CNTN5: variants seen among roughly 807,000 people sequenced by gnomAD.
CNTN5 encodes contactin 5.
Under a neutral mutation model 129.1 loss-of-function variants are expected in CNTN5, and 77 were observed. That is an observed-to-expected ratio of 0.60 (90% confidence interval 0.50 to 0.72). CNTN5 has a LOEUF of 0.72. Among genes scored for constraint, CNTN5 ranks in the 30% least tolerant of loss-of-function variants. The probability of loss-of-function intolerance (pLI) is 0.00; values close to 1 mark genes in which losing one functional copy is unlikely to be tolerated. For synonymous variants in CNTN5, 509 were observed against 465.6 expected (o/e 1.09, Z -1.20); for missense variants, 1,478 against 1,328.8 (o/e 1.11, Z -1.75).
chr11:99,206,759 A>G (rs538886076), intron 1 of CNTN5, among the ~76,000 whole-genome samples: 20 of 152,222 alleles, frequency 1.3e-4, no homozygotes, highest in African/African-American at 4.6e-4. Flanking sequence ...TTAAGCAAGG[A>G]TTTTGGATAA....
At chr11:99,406,915 T>A (rs74872258) in intron 2 of CNTN5, among the ~76,000 whole-genome samples, 2,699 of 151,758 alleles carry the variant, frequency 0.018, 67 homozygotes, top group African/African-American at 0.061. Flanking sequence ...CAGCTTGAGG[T>A]CTGTCTAGCC....
intron 3 of CNTN5, among the ~76,000 whole-genome samples, chr11:99,618,919 T>A (rs1206087247): frequency 1.4e-5 from 2 of 148,084 alleles, no homozygotes; most frequent in Non-Finnish European, 3.0e-5. Flanking sequence ...TTAAACTGTT[T>A]GGCTAACCCA....
intron 8 of CNTN5, among the ~76,000 whole-genome samples, chr11:99,964,057 G>A (rs189687416): frequency 2.0e-4 from 30 of 152,192 alleles, no homozygotes; most frequent in African/African-American, 5.3e-4. Context: ...GGAGATTTTG[G>A]GGTGAGACAA....
intron 18 of CNTN5, among the ~76,000 whole-genome samples, chr11:100,292,736 T>C (rs906840797): frequency 1.3e-5 from 2 of 151,980 alleles, no homozygotes; most frequent in Non-Finnish European, 2.9e-5. Flanking sequence ...TGTGCATGTA[T>C]GTATATGAGT....
intron 1 of CNTN5, among the ~76,000 whole-genome samples, chr11:99,047,402 A>C (rs1159587229): frequency 6.6e-6 from 1 of 151,720 alleles, no homozygotes; most frequent in Non-Finnish European, 1.5e-5. Flanking sequence ...AAAAACCAAA[A>C]AAGTGTATGT....
chr11:99,782,449 C>A (rs373930935), intron 3 of CNTN5, among the ~76,000 whole-genome samples: 2,063 of 149,390 alleles, frequency 0.014, 34 homozygotes, highest in South Asian at 0.07. Flanking sequence ...GCTACCAATG[C>A]CTTTCTTCAC....
At chr11:99,053,460 C>CT (rs1438456855) in intron 1 of CNTN5, among the ~76,000 whole-genome samples, 3 of 151,544 alleles carry the variant, frequency 2.0e-5, no homozygotes, top group Admixed American at 6.6e-5. Flanking sequence ...ATGTTTTTTT[C>CT]TTTTTTTGCA....
intron 3 of CNTN5, among the ~76,000 whole-genome samples, chr11:99,578,290 C>A (rs925545980): frequency 6.6e-6 from 1 of 151,810 alleles, no homozygotes; most frequent in Non-Finnish European, 1.5e-5. Context: ...AATAAACATA[C>A]GTGTGCATGT....
chr11:99,267,721 G>A (rs1174215339), intron 1 of CNTN5, among the ~76,000 whole-genome samples: 1 of 151,886 alleles, frequency 6.6e-6, no homozygotes, highest in Non-Finnish European at 1.5e-5. Context: ...AAGTGAATAA[G>A]CATCCATTTC....
intron 13 of CNTN5, among the ~76,000 whole-genome samples, chr11:100,086,366 T>A (rs536520023): frequency 6.6e-6 from 1 of 150,932 alleles, no homozygotes; most frequent in Non-Finnish European, 1.5e-5. Flanking sequence ...GAAGGAAACT[T>A]CTGGTATCAA....
At chr11:99,142,475 G>A (rs34154336) in intron 1 of CNTN5, among the ~76,000 whole-genome samples, 1 of 152,086 alleles carries the variant, frequency 6.6e-6, no homozygotes, top group African/African-American at 2.4e-5. Context: ...TGCTGGTGTA[G>A]GAGCTATGGT....
At chr11:100,219,009 A>G (rs1949203384) in intron 15 of CNTN5, among the ~76,000 whole-genome samples, 1 of 152,210 alleles carries the variant, frequency 6.6e-6, no homozygotes, top group Admixed American at 6.5e-5. Flanking sequence ...TAAAAATATA[A>G]ATTTAGGAAT....
intron 8 of CNTN5, among the ~76,000 whole-genome samples, chr11:99,981,404 G>A (rs1938340707): frequency 6.6e-6 from 1 of 152,022 alleles, no homozygotes; most frequent in Non-Finnish European, 1.5e-5. Flanking sequence ...CTCATTTCCA[G>A]GAAATAGACA....
intron 1 of CNTN5, among the ~76,000 whole-genome samples, chr11:99,194,732 A>G (rs1858815271): frequency 6.6e-6 from 1 of 151,992 alleles, no homozygotes; most frequent in South Asian, 2.1e-4. Flanking sequence ...CAGCCTCCCC[A>G]GTAGCTGGGA....
chr11:99,994,155 C>T (rs969680060), intron 8 of CNTN5, among the ~76,000 whole-genome samples: 4 of 127,178 alleles, frequency 3.1e-5, no homozygotes, highest in East Asian at 4.0e-4. Context: ...TCATTTTTAA[C>T]GACAATGGCA....
At chr11:100,188,994 A>C (rs1948388580) in intron 13 of CNTN5, among the ~76,000 whole-genome samples, 1 of 152,150 alleles carries the variant, frequency 6.6e-6, no homozygotes, top group Admixed American at 6.6e-5. Flanking sequence ...AACCAGTGCC[A>C]CATGTTCTCA....
At position 99,928,912 on chromosome 11, in the gene CNTN5, G is replaced by T. The variant is rs571852568; in HGVS notation, c.673+12763G>T. ...TGCTCTGTTTCCCTTTTAAATGTAA[G>T]TTCCAACTCCAAACCTTATCTTTAT... On this transcript the variant is annotated intron_variant, in intron 7 of 24. Transcript: ENST00000524871. Among the ~76,000 whole-genome samples, 3 of 152,206 alleles carry T rather than the reference G, an allele frequency of 2.0e-5. No individual in the cohort carries two copies. The South Asian group carries it at 6.2e-4, about 32-fold the overall frequency.
rs553098968 is a variant in CNTN5 at position 99,908,434 on chromosome 11, T to C, written c.578-7620T>C. Among the ~76,000 whole-genome samples the C allele has an allele frequency of 1.5e-4, 23 of 152,190 alleles. No homozygotes were observed. The East Asian group carries it at 4.2e-3, about 28-fold the overall frequency. Reference sequence around the variant, plus strand: ...TCAAACTCTCTGTGTATGTTGTATTTATCCTTTCACATTTTTCTTTTTAAT... The same window carrying C: ...TCAAACTCTCTGTGTATGTTGTATTCATCCTTTCACATTTTTCTTTTTAAT... On this transcript the variant is annotated intron_variant, in intron 6 of 24. Coordinates refer to ENST00000524871, the MANE Select transcript of CNTN5 (RefSeq NM_014361.4).
At chr11:99,748,734 A>T (rs917048183) in intron 3 of CNTN5, among the ~76,000 whole-genome samples, 3 of 152,190 alleles carry the variant, frequency 2.0e-5, no homozygotes, top group Admixed American at 1.3e-4. Flanking sequence ...TAGCTCCAGA[A>T]GAAAGACTGA....
Sources: gnomAD v4.1 joint callset for allele counts (sites outside exome capture counted in the v4.1 genomes callset) on GRCh38, gnomAD v4.1.1 for gene constraint, MANE v1.5 for transcripts, NCBI Gene and HGNC (gene_info 2026-07-23, HGNC 2026-07-21) for gene names.